The following EFNA3 variants were observed in gnomAD, a reference collection of about 807,000 sequenced individuals.
The protein encoded by EFNA3 is ephrin A3, also known as ephrin-A3.
EFNA3 carries 15 observed loss-of-function variants against 25.0 expected under a neutral mutation model. The ratio of observed to expected loss-of-function variants is 0.60; its 90% CI spans 0.40 to 0.92. The LOEUF (loss-of-function observed/expected upper bound fraction) is 0.92, where lower values mean the gene tolerates loss of function less well. Ranked by LOEUF, EFNA3 falls within the 40% of genes least tolerant of loss-of-function variation. The probability of loss-of-function intolerance (pLI) is 0.00; values close to 1 mark genes in which losing one functional copy is unlikely to be tolerated. For missense variants in EFNA3, 298 were observed against 323.8 expected, an observed-to-expected ratio of 0.92 and a Z score of 0.61; for synonymous variants, 153 against 145.6, an observed-to-expected ratio of 1.05 and a Z score of -0.37.
rs1308958413 is a variant in EFNA3 at position 155,081,887 on chromosome 1, C to T, written c.128+2818C>T. ...CTCCGTCTCTGTGTCTCGCTTTCGG[C>T]AGGTCTCTCGCTCCTCTCCGCCGCT... On this transcript the variant is annotated intron_variant, in intron 1 of 4. Coordinates refer to ENST00000368408, the MANE Select transcript of EFNA3 (RefSeq NM_004952.5). This position sits in a 1 kb window ranked among gnomAD's most constrained non-coding sequence, Gnocchi z 5.2. 6.6e-6 allele frequency among the ~76,000 whole-genome samples: 1 copy of T among 152,240 alleles called. No individual in the cohort carries two copies. The highest frequency in any genetic ancestry group is 1.9e-4 in the East Asian group (1 of 5,200).
Position 155,078,905 on chromosome 1 carries a change from G to A in EFNA3, c.-37G>A. 3 of 1,357,060 alleles carry A rather than the reference G, an allele frequency of 2.2e-6. No homozygotes were observed. The highest frequency in any genetic ancestry group is 1.5e-5 in the African/African-American group (1 of 64,844). 84.1% of individuals were successfully genotyped at this position (1,357,060 alleles called of 1,614,324 possible). A position where few individuals can be genotyped will look rare whatever the true frequency, so the allele number is the denominator to read the frequency against. ...GAAGCGGAGAAGCCGGGAGCGCGGG[G>A]CTCAGTCGGGGGGCGGCGGCGGCGG... On this transcript the variant is annotated 5_prime_UTR_variant, in exon 1 of 5. Transcript: ENST00000368408.
In EFNA3 at chr1:155,085,389, G is replaced by T; in HGVS notation, c.427G>T (p.Glu143Ter). The T allele has an allele frequency of 6.2e-7, 1 of 1,608,186 alleles. No homozygotes were observed. The highest frequency in any genetic ancestry group is 8.5e-7 in the Non-Finnish European group (1 of 1,176,804). ...SLGYEFHAGH[E>*]YYYISTPTHN... is the part of the protein sequence containing the mutation. ...GGGCTACGAGTTCCACGCCGGCCAC[G>T]AGTACTACTACATCTGTGAGTGACG... The change falls in exon 2 of 5, where the codon GAG becomes TAG. Residue 143 changes from glutamate to a stop codon, truncating the protein, a stop_gained. Coordinates refer to ENST00000368408, the MANE Select transcript of EFNA3 (RefSeq NM_004952.5). LOFTEE classifies it high-confidence loss of function. The surrounding 1 kb of genome is among the most constrained non-coding windows in gnomAD (Gnocchi z 4.4).
rs1663310230 is a variant in EFNA3, at chr1:155,079,967, C to T, written c.128+898C>T. Among the ~76,000 whole-genome samples, 1 of 151,962 alleles carries T rather than the reference C, an allele frequency of 6.6e-6. No homozygotes were observed. The highest frequency in any genetic ancestry group is 1.5e-5 in the Non-Finnish European group (1 of 67,958). On this transcript the variant is annotated intron_variant, in intron 1 of 4. Coordinates refer to ENST00000368408, the MANE Select transcript of EFNA3 (RefSeq NM_004952.5). This position sits in a 1 kb window ranked among gnomAD's most constrained non-coding sequence, Gnocchi z 7.7. ...GTGTCAGGGCGGCCGTGTGGTTTCC[C>T]GGGGTGTGTGGCGCGGTGGCCGGGT... is the stretch of plus-strand genomic sequence containing the variant.
rs1289818655 is a variant in EFNA3, at chr1:155,081,318, G to T, written c.128+2249G>T. Among the ~76,000 whole-genome samples, 1 of 152,234 alleles carries T rather than the reference G, an allele frequency of 6.6e-6. No individual in the cohort carries two copies. Among genetic ancestry groups the T allele is most frequent in the Non-Finnish European group, 1.5e-5 (1 of 68,048 alleles). ...GTATTGGAGCGATGCATTAGAGTAT[G>T]AGGTCGAGGAGTCCCCTAAGCCGGG... On this transcript the variant is annotated intron_variant, in intron 1 of 4. Coordinates refer to ENST00000368408, the MANE Select transcript of EFNA3 (RefSeq NM_004952.5). The surrounding 1 kb of genome is among the most constrained non-coding windows in gnomAD (Gnocchi z 5.2).
Position 155,085,378 on chromosome 1 carries a change from A to G in EFNA3, c.416A>G (p.His139Arg). The G allele has an allele frequency of 2.5e-6, 4 of 1,609,510 alleles. No individual in the cohort carries two copies. The highest frequency in any genetic ancestry group is 3.4e-6 in the Non-Finnish European group (4 of 1,177,594). The change falls in exon 2 of 5, where the codon CAC becomes CGC. Residue 139 changes from histidine (H) to arginine (R), a missense_variant. His to Arg is a conservative substitution (Grantham distance 29, BLOSUM62 0). Coordinates refer to ENST00000368408, the MANE Select transcript of EFNA3 (RefSeq NM_004952.5). The surrounding 1 kb of genome is among the most constrained non-coding windows in gnomAD (Gnocchi z 4.4). ...YSAFSLGYEF[H>R]AGHEYYYIST... Reference sequence around the variant, plus strand: ...GCCTTCTCTCTGGGCTACGAGTTCCACGCCGGCCACGAGTACTACTACATC... The same window carrying G: ...GCCTTCTCTCTGGGCTACGAGTTCCGCGCCGGCCACGAGTACTACTACATC...
chr1:155,085,811 G>A lies in EFNA3; in HGVS notation c.443-66G>A, dbSNP rs1197946043. On this transcript the variant is annotated intron_variant, in intron 2 of 4. Transcript: ENST00000368408. The surrounding 1 kb of genome is among the most constrained non-coding windows in gnomAD (Gnocchi z 4.4). ...GACAGTTTGGAGGGGGTGAGAAATA[G>A]AGCCGTCGAGGGAGGGCACAGGCAC... The A allele has an allele frequency of 6.3e-7, 1 of 1,576,794 alleles. No individual in the cohort carries two copies. Among genetic ancestry groups the A allele is most frequent in the African/African-American group, 1.4e-5 (1 of 73,876 alleles).
chr1:155,079,235 CG>C lies in EFNA3; in HGVS notation c.128+171del, dbSNP rs936865596. 6.6e-6 allele frequency among the ~76,000 whole-genome samples: 1 copy of C among 151,874 alleles called. No individual in the cohort carries two copies. The highest frequency in any genetic ancestry group is 1.5e-5 in the Non-Finnish European group (1 of 67,964). ...GCACTCTGTGGGCGTCTAGGAAACT[CG>C]GGGGTGTCTGAAGAGGCTGTTGGGC... On this transcript the variant is annotated intron_variant, in intron 1 of 4. Coordinates refer to ENST00000368408, the MANE Select transcript of EFNA3 (RefSeq NM_004952.5). The surrounding 1 kb of genome is among the most constrained non-coding windows in gnomAD (Gnocchi z 7.7).
chr1:155,082,820 G>A (rs1663370182), intron 1 of EFNA3, among the ~76,000 whole-genome samples: 1 of 152,096 alleles, frequency 6.6e-6, no homozygotes, highest in Admixed American at 6.5e-5. Context: ...TCTCCGCACT[G>A]CTAGGGAGAA....
chr1:155,080,113 G>A lies in EFNA3; in HGVS notation c.128+1044G>A, dbSNP rs962623363. On this transcript the variant is annotated intron_variant, in intron 1 of 4. Coordinates refer to ENST00000368408, the MANE Select transcript of EFNA3 (RefSeq NM_004952.5). The surrounding 1 kb of genome is among the most constrained non-coding windows in gnomAD (Gnocchi z 7.0). ...CAGTGTGTGTCTGTGTGTTAGTAGG[G>A]GGAGATCCCTGGGGACGCGGGGGTC... Among the ~76,000 whole-genome samples, 1 of 152,158 alleles carries A rather than the reference G, an allele frequency of 6.6e-6. No individual in the cohort carries two copies. The highest frequency in any genetic ancestry group is 2.4e-5 in the African/African-American group (1 of 41,430).
chr1:155,086,086 G>T (rs1212256827), intron 3 of EFNA3, 42 bp from the exon 4 acceptor site: 1 of 1,597,140 alleles, frequency 6.3e-7, no homozygotes, highest in South Asian at 1.1e-5. Flanking sequence ...TCCTGGCCCT[G>T]ACTCTCCCCT....
Position 155,079,137 on chromosome 1 carries a change from A to G in EFNA3, c.128+68A>G. ...AGAGGGGGAGCCGGTGGGCCCGAGAAGTCCTGGGGGATCCCGGGGTGGGAG... is the reference window on the plus strand; with the variant it reads ...AGAGGGGGAGCCGGTGGGCCCGAGAGGTCCTGGGGGATCCCGGGGTGGGAG... On this transcript the variant is annotated intron_variant, in intron 1 of 4. Transcript: ENST00000368408. The surrounding 1 kb of genome is among the most constrained non-coding windows in gnomAD (Gnocchi z 7.7). 1 of 1,226,400 alleles carries G rather than the reference A, an allele frequency of 8.2e-7. No individual in the cohort carries two copies. The highest frequency in any genetic ancestry group is 4.5e-5 in the Admixed American group (1 of 21,998). 76.0% of individuals were successfully genotyped at this position (1,226,400 alleles called of 1,614,324 possible). A position where few individuals can be genotyped will look rare whatever the true frequency, so the allele number is the denominator to read the frequency against.
At position 155,086,749 on chromosome 1, in the gene EFNA3, G is replaced by A; in HGVS notation, c.*206G>A. On this transcript the variant is annotated 3_prime_UTR_variant, in exon 5 of 5. Coordinates refer to ENST00000368408, the MANE Select transcript of EFNA3 (RefSeq NM_004952.5). ...GTGGACCAAGCACGGGGACAGCCAT[G>A]GGTCCCGGGCGGCCTTGTGGCTCTG... is the stretch of plus-strand genomic sequence containing the variant. The A allele has an allele frequency of 1.6e-6, 1 of 640,682 alleles. No homozygotes were observed. The highest frequency in any genetic ancestry group is 2.6e-6 in the Non-Finnish European group (1 of 389,546). The allele number at this position is 640,682 out of a possible 1,614,324, so 39.7% of individuals were successfully genotyped here.
rs1663472108 is a variant in EFNA3, at chr1:155,086,691, C to T, written c.*148C>T. 1 of 971,782 alleles carries T rather than the reference C, an allele frequency of 1.0e-6. No individual in the cohort carries two copies. The highest frequency in any genetic ancestry group is 1.5e-6 in the Non-Finnish European group (1 of 670,892). The allele number at this position is 971,782 out of a possible 1,614,324, so 60.2% of individuals were successfully genotyped here. On this transcript the variant is annotated 3_prime_UTR_variant, in exon 5 of 5. Coordinates refer to ENST00000368408, the MANE Select transcript of EFNA3 (RefSeq NM_004952.5). ...CTGCACCATACATCTGTGTCCGCCC[C>T]CTCTACCCCTTCCCCCCACGTAGGG...
rs1382479576 is a variant in EFNA3, at chr1:155,085,182, G to A, written c.220G>A (p.Gly74Arg). ...PHYNSSGVGP[G>R]AGPGPGGGAE... is the part of the protein sequence containing the mutation. Reference sequence around the variant, plus strand: ...CTACAACAGCTCGGGGGTGGGCCCCGGGGCGGGACCGGGGCCCGGAGGCGG... The same window carrying A: ...CTACAACAGCTCGGGGGTGGGCCCCAGGGCGGGACCGGGGCCCGGAGGCGG... The change falls in exon 2 of 5, where the codon GGG (glycine) becomes AGG (arginine). Residue 74 changes from glycine to arginine, a missense_variant. By Grantham distance (125) the Gly-to-Arg change is moderately radical. Transcript: ENST00000368408. The surrounding 1 kb of genome is among the most constrained non-coding windows in gnomAD (Gnocchi z 4.4). 3 of 1,608,680 alleles carry A rather than the reference G, an allele frequency of 1.9e-6. No individual in the cohort carries two copies. Among genetic ancestry groups the A allele is most frequent in the Non-Finnish European group, 2.5e-6 (3 of 1,177,364 alleles).
Position 155,085,814 on chromosome 1 carries a change from C to G in EFNA3, c.443-63C>G. 6.3e-7 allele frequency: 1 copy of G among 1,579,416 alleles called. No homozygotes were observed. Among genetic ancestry groups the G allele is most frequent in the Non-Finnish European group, 8.6e-7 (1 of 1,157,386 alleles). On this transcript the variant is annotated intron_variant, in intron 2 of 4. Coordinates refer to ENST00000368408, the MANE Select transcript of EFNA3 (RefSeq NM_004952.5). The surrounding 1 kb of genome is among the most constrained non-coding windows in gnomAD (Gnocchi z 4.4). Reference sequence around the variant, plus strand: ...AGTTTGGAGGGGGTGAGAAATAGAGCCGTCGAGGGAGGGCACAGGCACACA... The same window carrying G: ...AGTTTGGAGGGGGTGAGAAATAGAGGCGTCGAGGGAGGGCACAGGCACACA...
In EFNA3 at chr1:155,079,401, A is replaced by G. The variant is rs1028877172; in HGVS notation, c.128+332A>G. Among the ~76,000 whole-genome samples, 3 of 152,126 alleles carry G rather than the reference A, an allele frequency of 2.0e-5. No individual in the cohort carries two copies. The highest frequency in any genetic ancestry group is 2.9e-5 in the Non-Finnish European group (2 of 68,024). On this transcript the variant is annotated intron_variant, in intron 1 of 4. Coordinates refer to ENST00000368408, the MANE Select transcript of EFNA3 (RefSeq NM_004952.5). The surrounding 1 kb of genome is among the most constrained non-coding windows in gnomAD (Gnocchi z 7.7). ...ACCAGTTGGGCTGGGGTTTGGGGGT[A>G]GCGCTGTGCTGGGGATAGGCCGCTG...
At position 155,085,896 on chromosome 1, in the gene EFNA3, G is replaced by T. The variant is rs1159808647; in HGVS notation, c.462G>T (p.Leu154=). Residue 154 remains leucine (L), a synonymous_variant, in exon 3 of 5, where the codon CTG becomes CTT. Coordinates refer to ENST00000368408, the MANE Select transcript of EFNA3 (RefSeq NM_004952.5). The surrounding 1 kb of genome is among the most constrained non-coding windows in gnomAD (Gnocchi z 4.4). ...CCCCAGCCACGCCCACTCACAACCT[G>T]CACTGGAAGTGTCTGAGGATGAAGG... ...YYYISTPTHN[L]HWKCLRMKVF... 1.2e-6 allele frequency: 2 copies of T among 1,613,476 alleles called. No individual in the cohort carries two copies. Among genetic ancestry groups the T allele is most frequent in the Admixed American group, 1.7e-5 (1 of 59,964 alleles).
Position 155,080,361 on chromosome 1 carries a change from G to A in EFNA3, c.128+1292G>A, listed in dbSNP as rs958358322. Among the ~76,000 whole-genome samples the A allele has an allele frequency of 5.9e-5, 9 of 152,166 alleles. No homozygotes were observed. Among genetic ancestry groups the A allele is most frequent in the Non-Finnish European group, 1.2e-4 (8 of 68,004 alleles). On this transcript the variant is annotated intron_variant, in intron 1 of 4. Transcript: ENST00000368408. This position sits in a 1 kb window ranked among gnomAD's most constrained non-coding sequence, Gnocchi z 7.0. ...CTCTCTCCCTCCTCGCGCCCGGAGT[G>A]TCAGACTGGGGGTGGGGATGAGCCA...
rs1001695220 is a variant in EFNA3 at position 155,079,146 on chromosome 1, G to A, written c.128+77G>A. On this transcript the variant is annotated intron_variant, in intron 1 of 4. Coordinates refer to ENST00000368408, the MANE Select transcript of EFNA3 (RefSeq NM_004952.5). The surrounding 1 kb of genome is among the most constrained non-coding windows in gnomAD (Gnocchi z 7.7). ...GCCGGTGGGCCCGAGAAGTCCTGGG[G>A]GATCCCGGGGTGGGAGTCCTGGGAG... is the stretch of plus-strand genomic sequence containing the variant. 2.5e-5 allele frequency: 32 copies of A among 1,276,476 alleles called. No individual in the cohort carries two copies. The African/African-American group carries it at 4.1e-4, about 16-fold the overall frequency. 79.1% of individuals were successfully genotyped at this position (1,276,476 alleles called of 1,614,324 possible). A position where few individuals can be genotyped will look rare whatever the true frequency, so the allele number is the denominator to read the frequency against.
Sources: gnomAD v4.1 joint callset for allele counts (sites outside exome capture counted in the v4.1 genomes callset) on GRCh38, gnomAD v4.1.1 for gene constraint, Gnocchi (gnomAD v3.1) non-coding constraint, MANE v1.5 for transcripts, NCBI Gene and HGNC (gene_info 2026-07-23, HGNC 2026-07-21) for gene names.